MAP7D2: variants seen among roughly 807,000 people sequenced by gnomAD.
The protein encoded by MAP7D2 is MAP7 domain containing 2, also known as MAP7 domain-containing protein 2.
MAP7D2 carries 33 observed loss-of-function variants against 63.5 expected under a neutral mutation model. The ratio of observed to expected loss-of-function variants is 0.52; its 90% confidence interval spans 0.39 to 0.70. The LOEUF is 0.70. Among genes scored for constraint, MAP7D2 ranks in the 30% least tolerant of loss-of-function variants. The pLI is 0.00. For missense variants in MAP7D2, 626 were observed against 604.0 expected, an observed-to-expected ratio of 1.04 and a Z score of -0.38; for synonymous variants, 224 against 223.7, an observed-to-expected ratio of 1.00 and a Z score of -0.01.
intron 1 of MAP7D2, among the ~76,000 whole-genome samples, chrX:20,084,655 G>A (rs1002878415): frequency 9.4e-6 from 1 of 105,852 alleles, no homozygotes; most frequent in South Asian, 4.4e-4. Context: ...TGCAACCTCC[G>A]CCTCCCTGGT....
At position 20,042,573 on chromosome X, in the gene MAP7D2, G is replaced by A. The variant is rs151305022; in HGVS notation, c.936C>T (p.Phe312=). ...ACTCACATCTTCTCAGAGGGGACCC[G>A]AAGTTCACAACAGGAAGAGAAGTTG... The part of the protein sequence containing the change: ...RTATSLPVVN[F]GSPLRRCEFS... Residue 312 remains phenylalanine, a synonymous_variant, in exon 8 of 17, where the codon TTC becomes TTT. Transcript: ENST00000379643. 102 of 1,209,617 alleles carry A rather than the reference G, an allele frequency of 8.4e-5. No individual in the cohort carries two copies. The Middle Eastern group carries it at 9.2e-4, about 11-fold the overall frequency.
At chrX:20,083,699 C>T (rs946419096) in intron 1 of MAP7D2, among the ~76,000 whole-genome samples, 1 of 111,829 alleles carries the variant, frequency 8.9e-6, no homozygotes, top group Non-Finnish European at 1.9e-5. Flanking sequence ...TTCAGATGAC[C>T]ACTGCCTTTA....
intron 4 of MAP7D2, among the ~76,000 whole-genome samples, chrX:20,054,919 A>T (rs771954273): frequency 8.9e-6 from 1 of 112,221 alleles, no homozygotes; most frequent in East Asian, 2.8e-4. Context: ...CAGTGCCCAC[A>T]CTAGAGGTAA....
At chrX:20,061,979 T>C (rs1302657353) in intron 3 of MAP7D2, among the ~76,000 whole-genome samples, 2 of 111,952 alleles carry the variant, frequency 1.8e-5, no homozygotes, top group Non-Finnish European at 3.8e-5. Context: ...ACACAGAAGT[T>C]AGGAAAGGAG....
intron 1 of MAP7D2, among the ~76,000 whole-genome samples, chrX:20,112,014 T>G (rs1172755830): frequency 8.9e-6 from 1 of 112,068 alleles, no homozygotes; most frequent in Non-Finnish European, 1.9e-5. Context: ...GCAAGCGATC[T>G]GTGGGCCTCA....
chrX:20,116,851 G>A lies in MAP7D2; in HGVS notation c.29C>T (p.Thr10Met), dbSNP rs764631015. Reference sequence around the variant, plus strand: ...CGCAGTCCCCTCAGGCCGGGATCCCGTCCCGGAGCCGCCGCCGCCGCGCTC... The same window carrying A: ...CGCAGTCCCCTCAGGCCGGGATCCCATCCCGGAGCCGCCGCCGCCGCGCTC... MERGGGGSGTGSRPEGTARG... is the reference protein window; with the variant it reads MERGGGGSGMGSRPEGTARG... Residue 10 changes from threonine to methionine, a missense_variant, in exon 1 of 17, where the codon ACG becomes ATG. Coordinates refer to ENST00000379643, the MANE Select transcript of MAP7D2 (RefSeq NM_001168465.2). The A allele has an allele frequency of 2.3e-5, 26 of 1,155,056 alleles. No individual in the cohort carries two copies. The Middle Eastern group carries it at 7.6e-4, about 34-fold the overall frequency.
At position 20,026,100 on chromosome X, in the gene MAP7D2, A is replaced by C. The variant is rs2044565726; in HGVS notation, c.1008-148T>G. ...CTTAGCACACACTCAAAAGTCACTA[A>C]AGTGCTCTCAGCCCAACAGGAATAT... On this transcript the variant is annotated intron_variant, in intron 8 of 16. Coordinates refer to ENST00000379643, the MANE Select transcript of MAP7D2 (RefSeq NM_001168465.2). 4.7e-6 allele frequency: 3 copies of C among 631,809 alleles called. No homozygotes were observed. The South Asian group carries it at 8.8e-5, about 18-fold the overall frequency. 52.1% of individuals were successfully genotyped at this position (631,809 alleles called of 1,213,427 possible).
rs552839229 is a variant in MAP7D2 at position 20,028,936 on chromosome X, T to C, written c.1008-2984A>G. On this transcript the variant is annotated intron_variant, in intron 8 of 16. Transcript: ENST00000379643. ...ACCTGTTGAGGAGGACTTTCTGGCA[T>C]TGGAAGGCCTGGCAAATCTCACCTG... 2.3e-3 allele frequency among the ~76,000 whole-genome samples: 255 copies of C among 112,046 alleles called. 1 individual carries two copies. Among genetic ancestry groups the C allele is most frequent in the African/African-American group, 7.9e-3 (243 of 30,867 alleles).
At chrX:20,106,633 G>A (rs902852049) in intron 1 of MAP7D2, among the ~76,000 whole-genome samples, 4 of 112,494 alleles carry the variant, frequency 3.6e-5, no homozygotes, top group African/African-American at 1.3e-4. Context: ...TATTGAGCAC[G>A]TGAAACGCAA....
chrX:20,051,556 CAAACAAAAAAA>C (rs1325781695), intron 5 of MAP7D2, among the ~76,000 whole-genome samples: 4 of 102,535 alleles, frequency 3.9e-5, no homozygotes, highest in Admixed American at 2.1e-4. Context: ...AAAAAAAAAA[CAAACAAAAAAA>C]AAACAAAAAA....
At chrX:20,051,541 G>C (rs2064948596) in intron 5 of MAP7D2, among the ~76,000 whole-genome samples, 1 of 101,822 alleles carries the variant, frequency 9.8e-6, no homozygotes, top group African/African-American at 3.6e-5. Context: ...CAGAGAGCCT[G>C]TCTCAAAAAA....
chrX:20,073,138 C>T (rs770479192), intron 1 of MAP7D2, among the ~76,000 whole-genome samples: 59 of 111,624 alleles, frequency 5.3e-4, no homozygotes, highest in African/African-American at 1.8e-3. Flanking sequence ...ATCTTATCTG[C>T]GGCCTTCTCC....
intron 1 of MAP7D2, among the ~76,000 whole-genome samples, chrX:20,098,151 G>A (rs1167025869): frequency 9.0e-6 from 1 of 111,685 alleles, no homozygotes; most frequent in African/African-American, 3.3e-5. Flanking sequence ...TACTACCTCT[G>A]TGCAAGACAC....
At chrX:20,066,067 C>T (rs965451215) in intron 1 of MAP7D2, among the ~76,000 whole-genome samples, 4 of 110,080 alleles carry the variant, frequency 3.6e-5, no homozygotes, top group South Asian at 4.0e-4. Flanking sequence ...GGACTACAGG[C>T]GCCCGCCACC....
chrX:20,022,261 C>A (rs2073679302), intron 10 of MAP7D2, among the ~76,000 whole-genome samples: 1 of 111,556 alleles, frequency 9.0e-6, no homozygotes, highest in Non-Finnish European at 1.9e-5. Flanking sequence ...TGTCAGGGAG[C>A]TTTGCACACT....
intron 8 of MAP7D2, among the ~76,000 whole-genome samples, chrX:20,034,830 A>C (rs1004242766): frequency 3.6e-5 from 4 of 111,727 alleles, no homozygotes; most frequent in Non-Finnish European, 5.6e-5. Flanking sequence ...CTGAGCACCT[A>C]CTGTGCAACA....
intron 3 of MAP7D2, among the ~76,000 whole-genome samples, chrX:20,061,836 A>T (rs755798761): frequency 1.8e-5 from 2 of 112,493 alleles, no homozygotes; most frequent in Non-Finnish European, 3.8e-5. Flanking sequence ...GTCTTATGTG[A>T]CTTCACAGTA....
At chrX:20,034,525 G>A (rs1430086016) in intron 8 of MAP7D2, among the ~76,000 whole-genome samples, 1 of 111,332 alleles carries the variant, frequency 9.0e-6, no homozygotes, top group Admixed American at 9.5e-5. Context: ...CCATGGTGGT[G>A]GTATTAGGAG....
At chrX:20,025,168 AGTG>A in intron 9 of MAP7D2, 85 bp from the exon 10 acceptor site, 1 of 1,079,279 alleles carries the variant, frequency 9.3e-7, no homozygotes. Flanking sequence ...GCCAGTTGGA[AGTG>A]AAAAAAAATC....
Sources: gnomAD v4.1 joint callset for allele counts (sites outside exome capture counted in the v4.1 genomes callset) on GRCh38, gnomAD v4.1.1 for gene constraint, MANE v1.5 for transcripts, NCBI Gene and HGNC (gene_info 2026-07-23, HGNC 2026-07-21) for gene names.